The following USP9X variants were observed in gnomAD, a reference collection of about 807,000 sequenced individuals.
USP9X encodes ubiquitin carboxyl-terminal hydrolase 9X.
In USP9X, 7 loss-of-function variants were observed where a neutral mutation model predicts 190.3. That is an observed-to-expected ratio of 0.04 (90% CI 0.02 to 0.07). The LOEUF is 0.07. USP9X is among the 10% of genes least tolerant of loss of function. USP9X has a pLI of 1.00. For missense variants in USP9X, 1,010 were observed against 1,916.9 expected (o/e 0.53, Z 8.83); for synonymous variants, 645 against 659.5 (o/e 0.98, Z 0.34).
At chrX:41,227,945 C>T (rs2063329041) in intron 41 of USP9X, among the ~76,000 whole-genome samples, 1 of 112,168 alleles carries the variant, frequency 8.9e-6, no homozygotes, top group Admixed American at 9.4e-5. Context: ...CGTGATCCGC[C>T]CACCTCGGCC....
chrX:41,177,922 A>G (rs1390445494), intron 21 of USP9X, among the ~76,000 whole-genome samples: 1 of 108,461 alleles, frequency 9.2e-6, no homozygotes, highest in Admixed American at 9.9e-5. Context: ...CAGACATACA[A>G]CCTCAATTTT....
chrX:41,190,287 G>A (rs1227481515), intron 26 of USP9X, among the ~76,000 whole-genome samples: 1 of 110,983 alleles, frequency 9.0e-6, no homozygotes, highest in African/African-American at 3.3e-5. Context: ...TGGGGGGTAG[G>A]GTTCAACTTG....
At chrX:41,180,347 C>T (rs1221933570) in intron 21 of USP9X, among the ~76,000 whole-genome samples, 1 of 112,699 alleles carries the variant, frequency 8.9e-6, no homozygotes, top group Non-Finnish European at 1.9e-5. Flanking sequence ...AAACACAAAC[C>T]CACCACTGAA....
intron 30 of USP9X, 149 bp from the exon 31 acceptor site, chrX:41,200,911 G>A (rs1202110580): frequency 3.7e-6 from 2 of 542,666 alleles, no homozygotes; most frequent in Non-Finnish European, 6.0e-6. Flanking sequence ...GGAAGATGAA[G>A]TGCAAACTCA....
chrX:41,114,486 CT>C (rs1162608288), intron 1 of USP9X, among the ~76,000 whole-genome samples: 75 of 97,588 alleles, frequency 7.7e-4, no homozygotes, highest in Admixed American at 1.6e-3. Flanking sequence ...TTTCCCTTTT[CT>C]TTTTTTTTTT....
intron 1 of USP9X, among the ~76,000 whole-genome samples, chrX:41,102,936 G>A (rs1230778654): frequency 2.7e-5 from 3 of 111,178 alleles, no homozygotes; most frequent in Non-Finnish European, 5.7e-5. Context: ...GGGATTATAG[G>A]CGCCCGCCAC....
intron 1 of USP9X, among the ~76,000 whole-genome samples, chrX:41,116,307 T>G (rs1038414248): frequency 8.9e-6 from 1 of 112,742 alleles, no homozygotes; most frequent in Non-Finnish European, 1.9e-5. Context: ...GGAAAGTGAT[T>G]GTTACTGTGT....
intron 14 of USP9X, among the ~76,000 whole-genome samples, chrX:41,159,947 T>C (rs1890282): frequency 3.6e-5 from 4 of 111,367 alleles, no homozygotes; most frequent in African/African-American, 1.3e-4. Flanking sequence ...ATGATGATTA[T>C]ACAACTGTAC....
At chrX:41,188,762 A>G (rs1423718090) in intron 25 of USP9X, among the ~76,000 whole-genome samples, 2 of 112,033 alleles carry the variant, frequency 1.8e-5, no homozygotes, top group East Asian at 5.6e-4. Context: ...CTGGGTATTC[A>G]TTCAGCTTAT....
At chrX:41,149,957 C>T (rs931794459) in intron 12 of USP9X, among the ~76,000 whole-genome samples, 4 of 111,027 alleles carry the variant, frequency 3.6e-5, no homozygotes, top group Non-Finnish European at 5.7e-5. Context: ...CCACCCGCCT[C>T]GGCCTCCCAA....
At position 41,153,097 on chromosome X, in the gene USP9X, T is replaced by G. The variant is rs755645078; in HGVS notation, c.1897+16T>G. 5 of 1,180,544 alleles carry G rather than the reference T, an allele frequency of 4.2e-6. No individual in the cohort carries two copies. The Admixed American group carries it at 1.2e-4, about 29-fold the overall frequency. ...TATGCTAGAGGTATGTATTGTAAGC[T>G]AAAATAAACTATGGGAAATAGCAGG... On this transcript the variant is annotated intron_variant, in intron 14 of 44. Transcript: ENST00000378308.
chrX:41,119,700 C>T lies in USP9X; in HGVS notation c.-158-3771C>T, dbSNP rs764289968. ...CACATATTAGCCAGGTGTGGCAGCA[C>T]GAGCCTGTAGTCCCAGCTACTCGGG... On this transcript the variant is annotated intron_variant, in intron 1 of 44. Transcript: ENST00000378308. 2.1e-4 allele frequency among the ~76,000 whole-genome samples: 24 copies of T among 112,557 alleles called. 1 individual carries two copies. In the Middle Eastern group the frequency reaches 0.027, roughly 128 times the overall value.
Position 41,232,540 on chromosome X carries a change from C to T in USP9X, c.*16C>T. ...GGATCAATGAAATGCACATAATTAA[C>T]TGGTTCCATCAAGACTGTGCACCCA... is the stretch of plus-strand genomic sequence containing the variant. On this transcript the variant is annotated 3_prime_UTR_variant, in exon 45 of 45. Transcript: ENST00000378308. The T allele has an allele frequency of 8.3e-7, 1 of 1,206,930 alleles. No homozygotes were observed. Among genetic ancestry groups the T allele is most frequent in the Non-Finnish European group, 1.1e-6 (1 of 892,796 alleles).
chrX:41,170,083 A>G lies in USP9X; in HGVS notation c.2725A>G (p.Asn909Asp). Residue 909 changes from asparagine to aspartate, a missense_variant, in exon 19 of 45, where the codon AAT (asparagine) becomes GAT (aspartate). Physicochemically the swap from Asn to Asp is conservative, Grantham distance 23. Transcript: ENST00000378308. ...TGACTTGGAGGTATGGTCTCATACAAATGATACAATTGGTTCAGTACGACG... is the reference window on the plus strand; with the variant it reads ...TGACTTGGAGGTATGGTCTCATACAGATGATACAATTGGTTCAGTACGACG... The part of the protein sequence containing the change: ...VDDLEVWSHT[N>D]DTIGSVRRCI... 2 of 1,211,736 alleles carry G rather than the reference A, an allele frequency of 1.7e-6. No homozygotes were observed. Among genetic ancestry groups the G allele is most frequent in the East Asian group, 3.0e-5 (1 of 33,843 alleles).
intron 33 of USP9X, among the ~76,000 whole-genome samples, chrX:41,211,836 G>A (rs1264736807): frequency 9.5e-6 from 1 of 105,176 alleles, no homozygotes; most frequent in East Asian, 3.1e-4. Context: ...CGGGAGGGAG[G>A]TGGGGGGGTC....
intron 11 of USP9X, among the ~76,000 whole-genome samples, chrX:41,146,975 T>C (rs2062471136): frequency 9.0e-6 from 1 of 111,280 alleles, no homozygotes; most frequent in Non-Finnish European, 1.9e-5. Flanking sequence ...TAAAATAGTT[T>C]TAAAACTTCC....
Position 41,216,109 on chromosome X carries a change from C to G in USP9X, c.5542C>G (p.Gln1848Glu), listed in dbSNP as rs781154847. Residue 1848 changes from glutamine to glutamate, a missense_variant, in exon 35 of 45, where the codon CAA (glutamine) becomes GAA (glutamate). Around this residue, in one of 11 missense-constraint regions of USP9X, gnomAD observed 120 missense variants for 342.7 expected, o/e 0.35. Transcript: ENST00000378308. ...TGTAAACCCAGAGAGTCAGTTGATA[C>G]AACAGAGTGAGCAGTCTGAAAGTGA... ...DNVNPESQLI[Q>E]QSEQSESETA... is the part of the protein sequence containing the mutation. 30 of 1,209,768 alleles carry G rather than the reference C, an allele frequency of 2.5e-5. No individual in the cohort carries two copies. In the East Asian group the frequency reaches 8.9e-4, roughly 36 times the overall value.
At chrX:41,121,354 G>A (rs1225919900) in intron 1 of USP9X, among the ~76,000 whole-genome samples, 9 of 111,178 alleles carry the variant, frequency 8.1e-5, no homozygotes, top group African/African-American at 2.0e-4. Context: ...AGCCCCTGCT[G>A]TCTCTTATTT....
chrX:41,100,934 C>T (rs1179411001), intron 1 of USP9X, among the ~76,000 whole-genome samples: 1 of 110,870 alleles, frequency 9.0e-6, no homozygotes, highest in Non-Finnish European at 1.9e-5. Flanking sequence ...GATGTGGCCA[C>T]CTCTCCTGTT....
Sources: gnomAD v4.1 joint callset for allele counts (sites outside exome capture counted in the v4.1 genomes callset) on GRCh38, gnomAD v4.1.1 for gene constraint, gnomAD v4.1.1 regional missense constraint, MANE v1.5 for transcripts, NCBI Gene and HGNC (gene_info 2026-07-23, HGNC 2026-07-21) for gene names.